The following SENP6 variants were observed in gnomAD, a reference collection of about 807,000 sequenced individuals.
SENP6 encodes SUMO specific peptidase 6, also known as sentrin-specific protease 6.
Under a neutral mutation model 134.5 loss-of-function variants are expected in SENP6, and 41 were observed. That is an observed-to-expected ratio of 0.30 (90% CI 0.24 to 0.40). The LOEUF is 0.40. Ranked by LOEUF, SENP6 falls within the 10% of genes least tolerant of loss-of-function variation. The probability of loss-of-function intolerance (pLI) is 1.00; values close to 1 mark genes in which losing one functional copy is unlikely to be tolerated. For missense variants in SENP6, 1,248 were observed against 1,312.5 expected, an observed-to-expected ratio of 0.95 and a Z score of 0.76; for synonymous variants, 395 against 429.8, an observed-to-expected ratio of 0.92 and a Z score of 1.00.
chr6:75,662,923 A>G (rs1173211768), intron 8 of SENP6, among the ~76,000 whole-genome samples: 2 of 152,158 alleles, frequency 1.3e-5, no homozygotes, highest in African/African-American at 4.8e-5. Flanking sequence ...TATTTTATAT[A>G]TAGCTGACTG....
At chr6:75,680,898 G>C (rs1773418317) in intron 16 of SENP6, among the ~76,000 whole-genome samples, 1 of 152,144 alleles carries the variant, frequency 6.6e-6, no homozygotes, top group Non-Finnish European at 1.5e-5. Flanking sequence ...GAGGAAGTCT[G>C]CTAAAACACA....
intron 10 of SENP6, among the ~76,000 whole-genome samples, chr6:75,668,949 T>G (rs990227962): frequency 6.6e-6 from 1 of 152,200 alleles, no homozygotes; most frequent in African/African-American, 2.4e-5. Flanking sequence ...GAGCAGCTCT[T>G]TCCTGTTTTA....
chr6:75,642,679 T>G (rs963960260), intron 6 of SENP6, among the ~76,000 whole-genome samples: 3 of 152,214 alleles, frequency 2.0e-5, no homozygotes, highest in African/African-American at 7.2e-5. Context: ...ATAGAAGCTT[T>G]CAGAGCATTT....
At chr6:75,714,148 G>A (rs1455370946) in intron 23 of SENP6, among the ~76,000 whole-genome samples, 1 of 152,040 alleles carries the variant, frequency 6.6e-6, no homozygotes, top group Non-Finnish European at 1.5e-5. Flanking sequence ...CCTCTTCATA[G>A]ATACATTTCT....
chr6:75,669,967 C>G (rs552480921), intron 10 of SENP6, among the ~76,000 whole-genome samples: 3 of 151,592 alleles, frequency 2.0e-5, no homozygotes, highest in African/African-American at 7.3e-5. Flanking sequence ...GAATTTCGAT[C>G]TTGTTGCCCA....
chr6:75,711,199 A>C (rs1582914156), intron 20 of SENP6, 129 bp from the exon 21 acceptor site: 4 of 580,442 alleles, frequency 6.9e-6, no homozygotes, highest in Non-Finnish European at 3.1e-6. Flanking sequence ...TCTAGTGTCT[A>C]ATCACCTAAA....
chr6:75,684,136 G>A (rs1773660574), intron 16 of SENP6, among the ~76,000 whole-genome samples: 2 of 152,090 alleles, frequency 1.3e-5, no homozygotes, highest in African/African-American at 4.8e-5. Context: ...TGGATTCCTA[G>A]GTATTTTATT....
chr6:75,697,666 G>C, intron 18 of SENP6, 149 bp downstream of exon 18: 1 of 575,598 alleles, frequency 1.7e-6, no homozygotes, highest in Non-Finnish European at 3.1e-6. Flanking sequence ...TGTTTTACAA[G>C]AATTAATGCA....
intron 7 of SENP6, among the ~76,000 whole-genome samples, chr6:75,651,147 A>G (rs1264246733): frequency 6.6e-6 from 1 of 152,070 alleles, no homozygotes; most frequent in Admixed American, 6.6e-5. Flanking sequence ...CAGAATAACA[A>G]CCGTTAAGAT....
intron 6 of SENP6, among the ~76,000 whole-genome samples, chr6:75,642,208 G>A (rs1038530826): frequency 2.6e-5 from 4 of 152,200 alleles, no homozygotes; most frequent in African/African-American, 9.7e-5. Flanking sequence ...TCCTGCATAA[G>A]GATACAGTGA....
rs1027658179 is a variant in SENP6, at chr6:75,602,462, C to A, written c.-63C>A. 1.3e-6 allele frequency: 2 copies of A among 1,541,294 alleles called. No homozygotes were observed. The highest frequency in any genetic ancestry group is 2.7e-5 in the African/African-American group (2 of 72,860). ...ACCCTCCTCCGGCGCGGCCCCTCATCCCGGCGAGCACGGCGGCGGTGTGGG... is the reference window on the plus strand; with the variant it reads ...ACCCTCCTCCGGCGCGGCCCCTCATACCGGCGAGCACGGCGGCGGTGTGGG... On this transcript the variant is annotated 5_prime_UTR_variant, in exon 1 of 24. Coordinates refer to ENST00000447266, the MANE Select transcript of SENP6 (RefSeq NM_015571.4).
intron 16 of SENP6, among the ~76,000 whole-genome samples, chr6:75,683,162 T>G (rs1354973244): frequency 6.6e-6 from 1 of 152,172 alleles, no homozygotes; most frequent in East Asian, 1.9e-4. Context: ...TGACCAGTGG[T>G]GGTGAGCATT....
chr6:75,699,999 C>T (rs568863448), intron 18 of SENP6, among the ~76,000 whole-genome samples: 1 of 152,266 alleles, frequency 6.6e-6, no homozygotes, highest in East Asian at 1.9e-4. Flanking sequence ...AAGCTTCAAA[C>T]TCCTAGGCTT....
chr6:75,608,219 G>A (rs773898510), intron 1 of SENP6, among the ~76,000 whole-genome samples: 6 of 152,180 alleles, frequency 3.9e-5, no homozygotes, highest in African/African-American at 4.8e-5. Flanking sequence ...ATAACACTTC[G>A]GGAGGCCAAG....
At chr6:75,702,430 C>G (rs770539437) in intron 18 of SENP6, among the ~76,000 whole-genome samples, 1 of 151,998 alleles carries the variant, frequency 6.6e-6, no homozygotes, top group Non-Finnish European at 1.5e-5. Context: ...GTTGGCTAGG[C>G]TGGTCTCGAA....
intron 1 of SENP6, among the ~76,000 whole-genome samples, chr6:75,607,060 G>C (rs894144993): frequency 3.9e-5 from 6 of 152,122 alleles, no homozygotes; most frequent in Admixed American, 3.9e-4. Context: ...TTCAAACAAG[G>C]TCAATAGCCG....
intron 14 of SENP6, chr6:75,677,818 A>G (rs1200940531): frequency 6.6e-6 from 1 of 152,330 alleles, no homozygotes; most frequent in African/African-American, 2.4e-5. Flanking sequence ...ATGGTAAATA[A>G]TACAAACATA....
chr6:75,602,698 A>T, intron 1 of SENP6, 122 bp downstream of exon 1: 1 of 1,000,664 alleles, frequency 1.0e-6, no homozygotes, highest in Non-Finnish European at 1.5e-6. Flanking sequence ...AGTACGAGGG[A>T]TGAGCGATGA....
rs1061347 is a variant in SENP6 at position 75,678,643 on chromosome 6, G to C, written c.1909G>C (p.Glu637Gln). The C allele has an allele frequency of 3.7e-6, 6 of 1,605,034 alleles. No individual in the cohort carries two copies. The highest frequency in any genetic ancestry group is 4.3e-6 in the Non-Finnish European group (5 of 1,174,346). ...ACAAGAATTTCAGTTTTTTGATGAAGAAGAAGAAACTGGAGAAAACCACAC... is the reference window on the plus strand; with the variant it reads ...ACAAGAATTTCAGTTTTTTGATGAACAAGAAGAAACTGGAGAAAACCACAC... ...SKQEFQFFDE[E>Q]EETGENHTIF... Residue 637 changes from glutamate to glutamine, a missense_variant, in exon 15 of 24, where the codon GAA (glutamate) becomes CAA (glutamine). Glu to Gln is a conservative substitution (Grantham distance 29, BLOSUM62 2). Coordinates refer to ENST00000447266, the MANE Select transcript of SENP6 (RefSeq NM_015571.4).
Sources: gnomAD v4.1 joint callset for allele counts (sites outside exome capture counted in the v4.1 genomes callset) on GRCh38, gnomAD v4.1.1 for gene constraint, MANE v1.5 for transcripts, NCBI Gene and HGNC (gene_info 2026-07-23, HGNC 2026-07-21) for gene names.